Variants in GGNBP2 observed in about 807,000 individuals in gnomAD.
The protein encoded by GGNBP2 is gametogenetin-binding protein 2.
In GGNBP2, 10 loss-of-function variants were observed where a neutral mutation model predicts 85.9. The observed-to-expected ratio is 0.12, with a 90% CI of 0.07 to 0.20. The LOEUF is 0.20. GGNBP2 is among the 10% of genes least tolerant of loss of function. The probability of loss-of-function intolerance (pLI) is 1.00; values close to 1 mark genes in which losing one functional copy is unlikely to be tolerated. For synonymous variants in GGNBP2, 287 were observed against 285.7 expected (o/e 1.00, Z -0.05); for missense variants, 595 against 857.8 (o/e 0.69, Z 3.83).
chr17:36,568,653 T>C (rs556202365), intron 6 of GGNBP2, among the ~76,000 whole-genome samples: 1 of 152,348 alleles, frequency 6.6e-6, no homozygotes, highest in South Asian at 2.1e-4. Flanking sequence ...AAGTATTTCT[T>C]CTGTCATTAT....
At position 36,581,349 on chromosome 17, in the gene GGNBP2, C is replaced by T. The variant is rs762419886; in HGVS notation, c.1026C>T (p.Thr342=). 4.4e-6 allele frequency: 7 copies of T among 1,583,236 alleles called. No homozygotes were observed. Among genetic ancestry groups the T allele is most frequent in the African/African-American group, 4.1e-5 (3 of 72,672 alleles). ...CAACCTTATTTTTATAATAGATGAC[C>T]GTGGAAAAAGTACAGGGTATTAGCA... ...VDALRKSFEM[T]VEKVQGISRL... The change falls in exon 9 of 14, where the codon ACC becomes ACT. Residue 342 remains threonine, a synonymous_variant. Transcript: ENST00000613102.
rs1189367269 is a variant in GGNBP2 at position 36,575,628 on chromosome 17, ATATATATATATATATATATATTT to A, written c.642-2353_642-2331del. Among the ~76,000 whole-genome samples, 13 of 40,984 alleles carry A rather than the reference ATATATATATATATATATATATTT, an allele frequency of 3.2e-4. 1 individual carries two copies. Among genetic ancestry groups the A allele is most frequent in the African/African-American group, 1.4e-3 (13 of 9,002 alleles). 26.9% of individuals were successfully genotyped at this position (40,984 alleles called of 152,430 possible). A position where few individuals can be genotyped will look rare whatever the true frequency, so the allele number is the denominator to read the frequency against. On this transcript the variant is annotated intron_variant, in intron 6 of 13. Coordinates refer to ENST00000613102, the MANE Select transcript of GGNBP2 (RefSeq NM_024835.5). The stretch of plus-strand genomic sequence containing the variant: ...TCTAATGTAACATATATATATATAT[ATATATATATATATATATATATTT>A]TTTTTTTTTTTTGAGATGGAGTTTC...
At position 36,581,350 on chromosome 17, in the gene GGNBP2, G is replaced by A. The variant is rs767731043; in HGVS notation, c.1027G>A (p.Val343Met). The part of the protein sequence containing the change: ...DALRKSFEMT[V>M]EKVQGISRLE... ...AACCTTATTTTTATAATAGATGACCGTGGAAAAAGTACAGGGTATTAGCAG... is the reference window on the plus strand; with the variant it reads ...AACCTTATTTTTATAATAGATGACCATGGAAAAAGTACAGGGTATTAGCAG... The change falls in exon 9 of 14, where the codon GTG becomes ATG. Residue 343 changes from valine (V) to methionine (M), a missense_variant. Val to Met is a conservative substitution (Grantham distance 21). This residue lies in a region of GGNBP2 where 92 missense variants were observed against 183.9 expected (regional missense o/e 0.50). Transcript: ENST00000613102. The A allele has an allele frequency of 8.2e-6, 13 of 1,585,270 alleles. No homozygotes were observed. The highest frequency in any genetic ancestry group is 1.4e-5 in the African/African-American group (1 of 72,914).
chr17:36,553,375 A>G (rs778852617), intron 2 of GGNBP2, among the ~76,000 whole-genome samples: 2 of 152,214 alleles, frequency 1.3e-5, no homozygotes, highest in Non-Finnish European at 2.9e-5. Context: ...CGTTATCAAG[A>G]AAAACTCTTA....
chr17:36,553,174 CAT>C (rs1717991457), intron 2 of GGNBP2, among the ~76,000 whole-genome samples: 1 of 152,112 alleles, frequency 6.6e-6, no homozygotes, highest in African/African-American at 2.4e-5. Context: ...TATAGGAACA[CAT>C]ACAGAAAAAG....
chr17:36,576,592 T>G (rs1186949535), intron 6 of GGNBP2: 3 of 56,104 alleles, frequency 5.3e-5, no homozygotes, highest in South Asian at 6.9e-4. Flanking sequence ...AAAATATATA[T>G]ATATGTGTGT....
chr17:36,589,467 C>G lies in GGNBP2; in HGVS notation c.*56C>G, dbSNP rs965304325. On this transcript the variant is annotated 3_prime_UTR_variant, in exon 14 of 14. Coordinates refer to ENST00000613102, the MANE Select transcript of GGNBP2 (RefSeq NM_024835.5). ...ACACTCACGATGACTACTGCGCCTT[C>G]TCTTTCGAAAAACTCTTAATTTAGT... The G allele has an allele frequency of 8.9e-6, 12 of 1,349,166 alleles. No individual in the cohort carries two copies. Among genetic ancestry groups the G allele is most frequent in the Non-Finnish European group, 1.2e-5 (12 of 961,692 alleles). 83.6% of individuals were successfully genotyped at this position (1,349,166 alleles called of 1,614,324 possible). A position where few individuals can be genotyped will look rare whatever the true frequency, so the allele number is the denominator to read the frequency against.
intron 9 of GGNBP2, among the ~76,000 whole-genome samples, chr17:36,584,197 C>G (rs1343037211): frequency 6.6e-6 from 1 of 152,224 alleles, no homozygotes; most frequent in African/African-American, 2.4e-5. Flanking sequence ...ATCCAAGTCT[C>G]TCAGTTTGTC....
chr17:36,579,983 C>T (rs900177011), intron 8 of GGNBP2, among the ~76,000 whole-genome samples: 2 of 151,900 alleles, frequency 1.3e-5, no homozygotes, highest in Non-Finnish European at 2.9e-5. Flanking sequence ...GCACTCCAGC[C>T]TGGGCAACAA....
chr17:36,576,633 A>C (rs936354392), intron 6 of GGNBP2: 2 of 112,592 alleles, frequency 1.8e-5, no homozygotes, highest in South Asian at 5.7e-4. Context: ...GTGTGTGTAT[A>C]TGTATATATG....
At chr17:36,554,180 G>T (rs1305782706) in intron 2 of GGNBP2, among the ~76,000 whole-genome samples, 3 of 151,268 alleles carry the variant, frequency 2.0e-5, no homozygotes, top group African/African-American at 7.3e-5. Context: ...TTGGTGGTGG[G>T]TTCCTGTAAT....
At chr17:36,582,926 A>G (rs2074665055) in intron 9 of GGNBP2, among the ~76,000 whole-genome samples, 1 of 152,222 alleles carries the variant, frequency 6.6e-6, no homozygotes, top group East Asian at 1.9e-4. Context: ...TACTCCTTCA[A>G]AAATAATGTT....
At chr17:36,568,265 TTGTG>T in intron 6 of GGNBP2, among the ~76,000 whole-genome samples, 1 of 151,960 alleles carries the variant, frequency 6.6e-6, no homozygotes, top group Non-Finnish European at 1.5e-5. Flanking sequence ...GTTAGCCTTC[TTGTG>T]TTAAGCCAGC....
chr17:36,581,562 T>C, intron 9 of GGNBP2, 24 bp downstream of exon 9: 1 of 1,548,354 alleles, frequency 6.5e-7, no homozygotes, highest in South Asian at 1.1e-5. Context: ...ATATCAACTC[T>C]TAAGTGTGTA....
At chr17:36,585,233 C>T in intron 9 of GGNBP2, 67 bp from the exon 10 acceptor site, 1 of 1,352,192 alleles carries the variant, frequency 7.4e-7, no homozygotes, top group South Asian at 1.3e-5. Context: ...TAGTTTTGAT[C>T]TAGGGAATAA....
chr17:36,557,839 C>T (rs1178615572), intron 4 of GGNBP2, among the ~76,000 whole-genome samples: 1 of 152,112 alleles, frequency 6.6e-6, no homozygotes, highest in Non-Finnish European at 1.5e-5. Context: ...TAAGGCCGGG[C>T]GCGGTGGCTC....
Position 36,589,577 on chromosome 17 carries a change from T to A in GGNBP2, c.*166T>A, listed in dbSNP as rs2074738406. Reference sequence around the variant, plus strand: ...GGAGGTATCCTCATTAGTTCTTTCTTCAGGCTTGTGTCTTTAGTTGCGTGG... The same window carrying A: ...GGAGGTATCCTCATTAGTTCTTTCTACAGGCTTGTGTCTTTAGTTGCGTGG... On this transcript the variant is annotated 3_prime_UTR_variant, in exon 14 of 14. Transcript: ENST00000613102. 2 of 611,822 alleles carry A rather than the reference T, an allele frequency of 3.3e-6. No homozygotes were observed. Among genetic ancestry groups the A allele is most frequent in the South Asian group, 2.0e-5 (1 of 49,356 alleles). 37.9% of individuals were successfully genotyped at this position (611,822 alleles called of 1,614,324 possible).
intron 5 of GGNBP2, among the ~76,000 whole-genome samples, chr17:36,565,679 C>CTT (rs2074460928): frequency 6.6e-6 from 1 of 152,064 alleles, no homozygotes; most frequent in African/African-American, 2.4e-5. Context: ...AGGCAGATCA[C>CTT]GAGGTCAGGA....
intron 2 of GGNBP2, among the ~76,000 whole-genome samples, chr17:36,553,322 T>G (rs985056056): frequency 4.6e-5 from 7 of 152,246 alleles, no homozygotes; most frequent in African/African-American, 1.7e-4. Flanking sequence ...GTCTATCCTT[T>G]AGTATCTATT....
Sources: allele counts gnomAD v4.1 joint callset (sites outside exome capture counted in the v4.1 genomes callset), GRCh38; gene constraint gnomAD v4.1.1; regional missense constraint gnomAD v4.1.1; transcripts MANE v1.5; gene names NCBI Gene and HGNC (gene_info 2026-07-23, HGNC 2026-07-21).